Variants in TPD52 observed in about 807,000 individuals in gnomAD.
The protein encoded by TPD52 is tumor protein D52, also known as prostate and colon associated protein.
A neutral mutation model predicts 31.3 loss-of-function variants in TPD52; 17 were observed. The ratio of observed to expected loss-of-function variants is 0.54; its 90% CI spans 0.37 to 0.82. The LOEUF (loss-of-function observed/expected upper bound fraction) is 0.82, where lower values mean the gene tolerates loss of function less well. TPD52 is among the 40% of genes least tolerant of loss of function. The pLI, the probability that TPD52 is intolerant of heterozygous loss-of-function variation, is 0.00. For synonymous variants in TPD52, 83 were observed against 89.6 expected, an observed-to-expected ratio of 0.93 and a Z score of 0.42; for missense variants, 212 against 240.1, an observed-to-expected ratio of 0.88 and a Z score of 0.77.
At chr8:80,107,397 A>T (rs916532064) in intron 1 of TPD52, among the ~76,000 whole-genome samples, 18 of 152,216 alleles carry the variant, frequency 1.2e-4, no homozygotes, top group African/African-American at 4.3e-4. Context: ...CTACAGGGTT[A>T]AGTAAGTTAG....
chr8:80,126,256 G>T (rs547294778), intron 1 of TPD52, among the ~76,000 whole-genome samples: 1 of 151,900 alleles, frequency 6.6e-6, no homozygotes, highest in Non-Finnish European at 1.5e-5. Flanking sequence ...GGGGGAAAAT[G>T]TATTATCTCA....
At chr8:80,076,647 T>C (rs1814574468) in intron 1 of TPD52, among the ~76,000 whole-genome samples, 1 of 151,748 alleles carries the variant, frequency 6.6e-6, no homozygotes. Flanking sequence ...AGCCTGTACA[T>C]GCACCCCTGA....
At chr8:80,060,566 C>T (rs1160674505) in intron 2 of TPD52, among the ~76,000 whole-genome samples, 4 of 150,502 alleles carry the variant, frequency 2.7e-5, no homozygotes, top group African/African-American at 1.0e-4. Flanking sequence ...AAGAAAACAG[C>T]AGCCCATATC....
At chr8:80,117,304 C>T (rs193087130) in intron 1 of TPD52, among the ~76,000 whole-genome samples, 13 of 152,188 alleles carry the variant, frequency 8.5e-5, no homozygotes, top group African/African-American at 3.1e-4. Flanking sequence ...ACTTTGCAGG[C>T]TTATAAGATC....
chr8:80,076,673 G>GC (rs1181508807), intron 1 of TPD52, among the ~76,000 whole-genome samples: 3 of 100,406 alleles, frequency 3.0e-5, no homozygotes, highest in Non-Finnish European at 4.5e-5. Flanking sequence ...AAATAAAAGG[G>GC]TTTTTTGTTT....
chr8:80,080,446 C>T (rs1815141070), intron 1 of TPD52: 1 of 1,614,088 alleles, frequency 6.2e-7, no homozygotes, highest in Non-Finnish European at 8.5e-7. Flanking sequence ...CATCTCTCTA[C>T]AATCCATTCC....
chr8:80,135,044 G>A (rs1459486479), intron 1 of TPD52, among the ~76,000 whole-genome samples: 4 of 152,132 alleles, frequency 2.6e-5, no homozygotes, highest in African/African-American at 9.7e-5. Flanking sequence ...GGAGACGTAC[G>A]CAAGTGCAGA....
At chr8:80,039,338 C>A (rs1810159983) in intron 7 of TPD52, among the ~76,000 whole-genome samples, 1 of 152,160 alleles carries the variant, frequency 6.6e-6, no homozygotes, top group Non-Finnish European at 1.5e-5. Context: ...CTTTATATGG[C>A]AATAGCACCT....
At chr8:80,076,785 C>T (rs939732315) in intron 1 of TPD52, among the ~76,000 whole-genome samples, 2 of 152,120 alleles carry the variant, frequency 1.3e-5, no homozygotes, top group African/African-American at 4.8e-5. Context: ...AATCCTCCTA[C>T]CTCAGCCTCC....
Position 80,168,444 on chromosome 8 carries a change from A to G in TPD52, c.19+2981T>C, listed in dbSNP as rs189363310. Among the ~76,000 whole-genome samples the G allele has an allele frequency of 2.0e-3, 303 of 152,368 alleles. 6 individuals are homozygous for G. Among genetic ancestry groups the G allele is most frequent in the Non-Finnish European group, 3.8e-4 (26 of 68,042 alleles). ...TAAGGGACAAATATAAGAAAACTCC[A>G]TGTACATTAAAAACTATTAAAAGTT... On this transcript the variant is annotated intron_variant, in intron 1 of 7. Coordinates refer to ENST00000518937, the MANE Select transcript of TPD52 (RefSeq NM_001025253.3).
At chr8:80,057,315 G>C (rs1034659296) in intron 2 of TPD52, among the ~76,000 whole-genome samples, 1 of 152,136 alleles carries the variant, frequency 6.6e-6, no homozygotes, top group Non-Finnish European at 1.5e-5. Context: ...TTAATACAGA[G>C]CTACCATTCA....
intron 1 of TPD52, among the ~76,000 whole-genome samples, chr8:80,135,334 C>T (rs1036345148): frequency 3.3e-5 from 5 of 152,048 alleles, no homozygotes; most frequent in African/African-American, 1.2e-4. Context: ...CCTCCCACTT[C>T]CCAAGACAAC....
chr8:80,052,409 C>T (rs565169029), intron 3 of TPD52, among the ~76,000 whole-genome samples: 1 of 152,236 alleles, frequency 6.6e-6, no homozygotes, highest in South Asian at 2.1e-4. Context: ...TTTTACTTAC[C>T]CTGTCAAGAT....
intron 1 of TPD52, among the ~76,000 whole-genome samples, chr8:80,091,805 G>A (rs1051622615): frequency 8.5e-5 from 13 of 152,208 alleles, no homozygotes; most frequent in African/African-American, 3.1e-4. Flanking sequence ...GAGTTAGAAA[G>A]TCTGGGGTGG....
rs934673096 is a variant in TPD52, at chr8:80,039,311, T to C, written c.505-1076A>G. On this transcript the variant is annotated intron_variant, in intron 7 of 7. Coordinates refer to ENST00000518937, the MANE Select transcript of TPD52 (RefSeq NM_001025253.3). ...CCTTCCCCCGACAACTAGCCCCTTC[T>C]CTATTCTTTTTTAACACTTTATATG... Among the ~76,000 whole-genome samples, 4 of 152,162 alleles carry C rather than the reference T, an allele frequency of 2.6e-5. 1 individual carries two copies. Among genetic ancestry groups the C allele is most frequent in the Admixed American group, 6.5e-5 (1 of 15,278 alleles).
chr8:80,149,793 A>G (rs1218931132), intron 1 of TPD52, among the ~76,000 whole-genome samples: 3 of 152,126 alleles, frequency 2.0e-5, no homozygotes, highest in Non-Finnish European at 4.4e-5. Flanking sequence ...CTTGAGAGAG[A>G]TGATTTGGGG....
At chr8:80,135,013 G>C (rs1048272759) in intron 1 of TPD52, among the ~76,000 whole-genome samples, 1 of 152,190 alleles carries the variant, frequency 6.6e-6, no homozygotes, top group African/African-American at 2.4e-5. Flanking sequence ...GATCCCAAGA[G>C]AGTTCATGAA....
chr8:80,113,280 AAAC>A (rs60981720), intron 1 of TPD52, among the ~76,000 whole-genome samples: 51,043 of 147,924 alleles, frequency 0.35, 9,162 homozygotes, highest in East Asian at 0.63. Flanking sequence ...AAAAAAAAAA[AAAC>A]AAGTGCTGGC....
chr8:80,064,830 T>C (rs762333688), intron 1 of TPD52: 1 of 647,548 alleles, frequency 1.5e-6, no homozygotes, highest in Non-Finnish European at 2.9e-6. Flanking sequence ...AGCATTCTCT[T>C]AGCTTCTGTT....
Sources: gnomAD v4.1 joint callset for allele counts (sites outside exome capture counted in the v4.1 genomes callset) on GRCh38, gnomAD v4.1.1 for gene constraint, MANE v1.5 for transcripts, NCBI Gene and HGNC (gene_info 2026-07-23, HGNC 2026-07-21) for gene names.